The following PSTPIP2 variants were observed in gnomAD, a reference collection of about 807,000 sequenced individuals.
PSTPIP2 encodes proline-serine-threonine phosphatase-interacting protein 2.
Under a neutral mutation model 63.3 loss-of-function variants are expected in PSTPIP2, and 33 were observed. The ratio of observed to expected loss-of-function variants is 0.52; its 90% confidence interval spans 0.40 to 0.70. The LOEUF (loss-of-function observed/expected upper bound fraction) is 0.70. PSTPIP2 is among the 30% of genes least tolerant of loss of function. PSTPIP2 has a pLI of 0.00. For missense variants in PSTPIP2, 312 were observed against 400.7 expected, an observed-to-expected ratio of 0.78 and a Z score of 1.89; for synonymous variants, 125 against 132.7, an observed-to-expected ratio of 0.94 and a Z score of 0.40.
At position 46,012,544 on chromosome 18, in the gene PSTPIP2, G is replaced by T. The variant is rs150572128; in HGVS notation, c.248-1257C>A. ...AATCCCAGCACTTTGGGAGGCTGAG[G>T]TGGGTGTATCACGAGGTCAAGTGAT... On this transcript the variant is annotated intron_variant, in intron 4 of 14. Transcript: ENST00000409746. Among the ~76,000 whole-genome samples, 37 of 152,326 alleles carry T rather than the reference G, an allele frequency of 2.4e-4. No homozygotes were observed. The East Asian group carries it at 6.2e-3, about 25-fold the overall frequency.
intron 2 of PSTPIP2, among the ~76,000 whole-genome samples, chr18:46,025,801 C>T (rs907731462): frequency 6.6e-6 from 1 of 152,232 alleles, no homozygotes; most frequent in Non-Finnish European, 1.5e-5. Context: ...GCCACCCAGG[C>T]TGGAGTGCAG....
At chr18:46,022,281 A>ATGTG (rs150331548) in intron 3 of PSTPIP2, among the ~76,000 whole-genome samples, 103,479 of 150,382 alleles carry the variant, frequency 0.69, 38,034 homozygotes, top group Non-Finnish European at 0.83. Context: ...GTGTGTGTGT[A>ATGTG]TGTGTGTGTG....
chr18:45,996,616 T>G (rs1170347452), intron 9 of PSTPIP2, among the ~76,000 whole-genome samples: 1 of 150,760 alleles, frequency 6.6e-6, no homozygotes, highest in East Asian at 1.9e-4. Context: ...ATTGAAGGTA[T>G]GAGGAGAGTA....
chr18:46,043,521 T>C (rs904108422), intron 1 of PSTPIP2, among the ~76,000 whole-genome samples: 2 of 152,056 alleles, frequency 1.3e-5, no homozygotes, highest in Non-Finnish European at 2.9e-5. Flanking sequence ...ATCTGACAAA[T>C]AGTATCTACA....
chr18:45,987,269 G>C (rs2051477787), intron 14 of PSTPIP2, among the ~76,000 whole-genome samples: 1 of 152,164 alleles, frequency 6.6e-6, no homozygotes, highest in Admixed American at 6.5e-5. Context: ...CACTTTGGTG[G>C]TATAGAACGC....
In PSTPIP2 at chr18:45,995,399, G is replaced by A. The variant is rs142275819; in HGVS notation, c.643-1696C>T. 7.6e-3 allele frequency among the ~76,000 whole-genome samples: 1,154 copies of A among 152,200 alleles called. 18 individuals carry two copies. Among genetic ancestry groups the A allele is most frequent in the African/African-American group, 0.025 (1,045 of 41,514 alleles). On this transcript the variant is annotated intron_variant, in intron 9 of 14. Coordinates refer to ENST00000409746, the MANE Select transcript of PSTPIP2 (RefSeq NM_024430.4). ...ATTATAGGTGTGAGCCACCGCACCT[G>A]GCCTTTATGCAGGTTTTTACACTAT...
At chr18:46,021,465 T>C (rs533402376) in intron 3 of PSTPIP2, among the ~76,000 whole-genome samples, 296 of 151,374 alleles carry the variant, frequency 2.0e-3, no homozygotes, top group Middle Eastern at 7.0e-3. Flanking sequence ...AGCAAATAAT[T>C]ATACTAATAT....
At chr18:46,013,581 G>A (rs1482751447) in intron 4 of PSTPIP2, among the ~76,000 whole-genome samples, 1 of 151,762 alleles carries the variant, frequency 6.6e-6, no homozygotes, top group East Asian at 1.9e-4. Context: ...AGAATAATAG[G>A]AGCTAAATAA....
intron 1 of PSTPIP2, among the ~76,000 whole-genome samples, chr18:46,059,188 G>T (rs1262590550): frequency 6.6e-6 from 1 of 151,164 alleles, no homozygotes; most frequent in South Asian, 2.1e-4. Context: ...AGGCACGCAC[G>T]ACCATGCCCA....
chr18:46,054,995 A>G (rs1198643374), intron 1 of PSTPIP2, among the ~76,000 whole-genome samples: 1 of 152,184 alleles, frequency 6.6e-6, no homozygotes, highest in Non-Finnish European at 1.5e-5. Context: ...AACAGAAACT[A>G]GTTTTTAGTG....
At chr18:46,022,093 T>G (rs1218145146) in intron 3 of PSTPIP2, among the ~76,000 whole-genome samples, 1 of 152,118 alleles carries the variant, frequency 6.6e-6, no homozygotes, top group Non-Finnish European at 1.5e-5. Context: ...ATTTTTAAAT[T>G]TTCATTTAAA....
intron 5 of PSTPIP2, among the ~76,000 whole-genome samples, chr18:46,006,843 C>T (rs886633930): frequency 1.1e-4 from 16 of 152,198 alleles, no homozygotes; most frequent in South Asian, 2.1e-4. Flanking sequence ...AGCACTTACG[C>T]GCTAAGCAGT....
At chr18:46,064,282 CTTTTTTTTTTTTTT>C (rs56236802) in intron 1 of PSTPIP2, among the ~76,000 whole-genome samples, 2 of 71,526 alleles carry the variant, frequency 2.8e-5, no homozygotes, top group Non-Finnish European at 4.8e-5. Context: ...CTTTTTCTTT[CTTTTTTTTTTTTTT>C]TTTTTTTTTT....
intron 8 of PSTPIP2, 78 bp downstream of exon 8, chr18:45,998,716 C>G (rs979149061): frequency 6.9e-7 from 1 of 1,452,008 alleles, no homozygotes; most frequent in African/African-American, 1.4e-5. Context: ...ATATAAAACT[C>G]CCTTTCTCAG....
Position 45,992,205 on chromosome 18 carries a change from A to G in PSTPIP2, c.742-3T>C. On this transcript the variant is annotated splice_region_variant and splice_polypyrimidine_tract_variant and intron_variant, in intron 10 of 14. Transcript: ENST00000409746. ...CTCTTTCGGACTTGTTCGTACATCT[A>G]ATAAAAAAAGGTCAATTAATAGGTA... The G allele has an allele frequency of 6.4e-7, 1 of 1,564,188 alleles. No homozygotes were observed. Among genetic ancestry groups the G allele is most frequent in the African/African-American group, 1.6e-5 (1 of 64,290 alleles).
At chr18:46,029,043 G>A in intron 2 of PSTPIP2, 2 of 802,876 alleles carry the variant, frequency 2.5e-6, no homozygotes, top group South Asian at 2.7e-5. Flanking sequence ...ACTATTTCAG[G>A]TTGATGGAAG....
intron 14 of PSTPIP2, among the ~76,000 whole-genome samples, chr18:45,985,780 A>ATTTTTT (rs532775826): frequency 1.4e-5 from 2 of 147,504 alleles, no homozygotes; most frequent in Non-Finnish European, 1.5e-5. Flanking sequence ...TCTTGTTTAA[A>ATTTTTT]TTTTTTTTTT....
intron 1 of PSTPIP2, among the ~76,000 whole-genome samples, chr18:46,056,265 C>T (rs1908751282): frequency 6.6e-6 from 1 of 152,222 alleles, no homozygotes; most frequent in Non-Finnish European, 1.5e-5. Flanking sequence ...CTCCCCTCTC[C>T]AGGCTTTCCC....
At chr18:46,055,334 A>C (rs1486464652) in intron 1 of PSTPIP2, among the ~76,000 whole-genome samples, 1 of 152,124 alleles carries the variant, frequency 6.6e-6, no homozygotes, top group Non-Finnish European at 1.5e-5. Flanking sequence ...TGGAATTATT[A>C]ATAGTTAATT....
Sources: gnomAD v4.1 joint callset for allele counts (sites outside exome capture counted in the v4.1 genomes callset) on GRCh38, gnomAD v4.1.1 for gene constraint, MANE v1.5 for transcripts, NCBI Gene and HGNC (gene_info 2026-07-23, HGNC 2026-07-21) for gene names.